SLC18A2: variants seen among roughly 807,000 people sequenced by gnomAD.
SLC18A2 encodes the protein synaptic vesicular amine transporter.
Under a neutral mutation model 59.2 loss-of-function variants are expected in SLC18A2, and 33 were observed. That is an observed-to-expected ratio of 0.56 (90% CI 0.42 to 0.75). SLC18A2 has a LOEUF of 0.75. SLC18A2 is among the 30% of genes least tolerant of loss of function. The pLI is 0.00. For synonymous variants in SLC18A2, 228 were observed against 253.5 expected (o/e 0.90, Z 0.95); for missense variants, 569 against 668.6 (o/e 0.85, Z 1.64).
At chr10:117,267,227 G>T (rs1009541118) in intron 12 of SLC18A2, 192 bp downstream of exon 12, 1 of 561,704 alleles carries the variant, frequency 1.8e-6, no homozygotes, top group Non-Finnish European at 3.1e-6. Context: ...TTCATTTTAT[G>T]TCAGAAATTA....
chr10:117,250,912 G>A (rs771989867), intron 3 of SLC18A2, among the ~76,000 whole-genome samples: 3 of 152,194 alleles, frequency 2.0e-5, no homozygotes, highest in Non-Finnish European at 4.4e-5. Context: ...TGAACAGTGG[G>A]CACAGTATGG....
chr10:117,243,928 T>G, intron 2 of SLC18A2, 43 bp from the exon 3 acceptor site: 2 of 1,517,646 alleles, frequency 1.3e-6, no homozygotes, highest in Non-Finnish European at 1.8e-6. Flanking sequence ...CTGGAGAGGG[T>G]TTCAGTGTGA....
chr10:117,243,330 C>T (rs1347495748), intron 2 of SLC18A2, among the ~76,000 whole-genome samples: 1 of 152,186 alleles, frequency 6.6e-6, no homozygotes, highest in African/African-American at 2.4e-5. Context: ...CTGAAATATT[C>T]CTTGAAGGAA....
chr10:117,264,431 G>C (rs1026584510), intron 10 of SLC18A2, among the ~76,000 whole-genome samples: 1 of 152,192 alleles, frequency 6.6e-6, no homozygotes, highest in African/African-American at 2.4e-5. Context: ...AGCCGAGATC[G>C]TGCCATTGCA....
chr10:117,255,723 G>A (rs951899957), intron 9 of SLC18A2, 66 bp downstream of exon 9: 5 of 1,469,622 alleles, frequency 3.4e-6, no homozygotes, highest in Non-Finnish European at 3.7e-6. Context: ...GGAGGCAGGG[G>A]TGGATGGCCA....
intron 15 of SLC18A2, 44 bp from the exon 16 acceptor site, chr10:117,277,118 T>A (rs113983390): frequency 5.4e-6 from 6 of 1,114,060 alleles, no homozygotes; most frequent in African/African-American, 3.2e-5. Context: ...ATCTTATCTT[T>A]ATGAAACAAG....
chr10:117,245,134 GC>G (rs1424231706), intron 3 of SLC18A2, among the ~76,000 whole-genome samples: 1 of 152,232 alleles, frequency 6.6e-6, no homozygotes, highest in Non-Finnish European at 1.5e-5. Flanking sequence ...GAGGAGGCAG[GC>G]CCCCAAGGTG....
At chr10:117,248,923 G>A (rs1456634892) in intron 3 of SLC18A2, among the ~76,000 whole-genome samples, 3 of 152,146 alleles carry the variant, frequency 2.0e-5, no homozygotes, top group Non-Finnish European at 2.9e-5. Flanking sequence ...TATCAAGCCA[G>A]CGTCAATGGC....
intron 9 of SLC18A2, 56 bp downstream of exon 9, chr10:117,255,713 G>A: frequency 7.2e-6 from 11 of 1,527,952 alleles, no homozygotes; most frequent in South Asian, 1.1e-5. Flanking sequence ...GCCGCGTGCT[G>A]GAGGCAGGGG....
At chr10:117,262,373 G>A (rs11817133) in intron 10 of SLC18A2, among the ~76,000 whole-genome samples, 12,207 of 152,242 alleles carry the variant, frequency 0.08, 869 homozygotes, top group African/African-American at 0.19. Flanking sequence ...AGATGAAAGT[G>A]GAAGCCCAAA....
chr10:117,263,678 C>T (rs1032859109), intron 10 of SLC18A2, among the ~76,000 whole-genome samples: 8 of 152,108 alleles, frequency 5.3e-5, no homozygotes, highest in African/African-American at 7.2e-5. Flanking sequence ...ATGGCCTCTC[C>T]AGACCCCTTG....
chr10:117,277,363 C>G lies in SLC18A2; in HGVS notation c.*97C>G, dbSNP rs940550601. On this transcript the variant is annotated 3_prime_UTR_variant, in exon 16 of 16. Transcript: ENST00000644641. ...GAACTGTCTTAGTCATACCATCCAT[C>G]CCTGGTGAAAGAGTAAAACCAAAGG... The G allele has an allele frequency of 1.7e-5, 11 of 663,646 alleles. No individual in the cohort carries two copies. Among genetic ancestry groups the G allele is most frequent in the Non-Finnish European group, 2.7e-5 (11 of 404,768 alleles). 41.1% of individuals were successfully genotyped at this position (663,646 alleles called of 1,614,324 possible).
At chr10:117,256,903 A>G (rs1173453542) in intron 9 of SLC18A2, among the ~76,000 whole-genome samples, 1 of 152,180 alleles carries the variant, frequency 6.6e-6, no homozygotes, top group Non-Finnish European at 1.5e-5. Context: ...CTCACTGCCT[A>G]GTACCTGCTC....
chr10:117,243,894 C>G, intron 2 of SLC18A2, 77 bp from the exon 3 acceptor site: 2 of 1,213,200 alleles, frequency 1.6e-6, no homozygotes, highest in Non-Finnish European at 2.3e-6. Flanking sequence ...CCGACACAAC[C>G]ATAGTTTTTT....
At position 117,270,560 on chromosome 10, in the gene SLC18A2, T is replaced by C. The variant is rs1844413654; in HGVS notation, c.1440+97T>C. On this transcript the variant is annotated intron_variant, in intron 15 of 15. Coordinates refer to ENST00000644641, the MANE Select transcript of SLC18A2 (RefSeq NM_003054.6). ...GGTTTCATTCTAAAGCCTTCAAACA[T>C]AAATGGTGAGAATTCCTTTTTAGTT... The C allele has an allele frequency of 2.1e-6, 3 of 1,399,114 alleles. No individual in the cohort carries two copies. In the African/African-American group the frequency reaches 4.3e-5, roughly 20 times the overall value. 86.7% of individuals were successfully genotyped at this position (1,399,114 alleles called of 1,614,324 possible).
At chr10:117,268,895 G>A (rs970742971) in intron 13 of SLC18A2, among the ~76,000 whole-genome samples, 1 of 151,190 alleles carries the variant, frequency 6.6e-6, no homozygotes, top group African/African-American at 2.4e-5. Context: ...GTGTATGTGT[G>A]TGTTGTGTGT....
At position 117,269,363 on chromosome 10, in the gene SLC18A2, CAT is replaced by C. The variant is rs1416200064; in HGVS notation, c.1187-706_1187-705del. Among the ~76,000 whole-genome samples, 11 of 151,988 alleles carry C rather than the reference CAT, an allele frequency of 7.2e-5. No individual in the cohort carries two copies. The highest frequency in any genetic ancestry group is 2.4e-4 in the African/African-American group (10 of 41,388). On this transcript the variant is annotated intron_variant, in intron 13 of 15. Transcript: ENST00000644641. This position sits in a 1 kb window ranked among gnomAD's most constrained non-coding sequence, Gnocchi z 5.1. ...ATACACACATGCATACACACATATA[CAT>C]AGACATACACAGATACATATATACA...
Position 117,270,416 on chromosome 10 carries a change from C to CGGCA in SLC18A2, c.1393_1394insGGCA (p.Pro465ArgfsTer28), listed in dbSNP as rs1437541821. The stretch of plus-strand genomic sequence containing the variant: ...TGGGATAATTGATATTCTTTTTGCC[C>CGGCA]CTCTCTGCTTTTTTCTTCGAAGTCC... On this transcript the variant is annotated frameshift_variant, in exon 15 of 16. Coordinates refer to ENST00000644641, the MANE Select transcript of SLC18A2 (RefSeq NM_003054.6). LOFTEE classifies it high-confidence loss of function. 1 of 1,613,710 alleles carries CGGCA rather than the reference C, an allele frequency of 6.2e-7. No homozygotes were observed. The highest frequency in any genetic ancestry group is 8.5e-7 in the Non-Finnish European group (1 of 1,179,944).
rs1385716497 is a variant in SLC18A2 at position 117,278,350 on chromosome 10, T to C, written c.*1084T>C. 2 of 152,216 alleles carry C rather than the reference T, an allele frequency of 1.3e-5. No homozygotes were observed. The highest frequency in any genetic ancestry group is 4.8e-5 in the African/African-American group (2 of 41,462). The allele number at this position is 152,216 out of a possible 1,614,324, so 9.4% of individuals were successfully genotyped here. A position where few individuals can be genotyped will look rare whatever the true frequency, so the allele number is the denominator to read the frequency against. ...GAATGAAATTATGTCTTGAATCATA[T>C]ATTAAGAAGTAAAAATAATAGTGAT... On this transcript the variant is annotated 3_prime_UTR_variant, in exon 16 of 16. Coordinates refer to ENST00000644641, the MANE Select transcript of SLC18A2 (RefSeq NM_003054.6).
Sources: gnomAD v4.1 joint callset for allele counts (sites outside exome capture counted in the v4.1 genomes callset) on GRCh38, gnomAD v4.1.1 for gene constraint, Gnocchi (gnomAD v3.1) non-coding constraint, MANE v1.5 for transcripts, NCBI Gene and HGNC (gene_info 2026-07-23, HGNC 2026-07-21) for gene names.